The following ACLY variants were observed in gnomAD, a reference collection of about 807,000 sequenced individuals.
ACLY encodes the protein ATP-citrate synthase.
ACLY carries 41 observed loss-of-function variants against 133.0 expected under a neutral mutation model. The ratio of observed to expected loss-of-function variants is 0.31; its 90% CI spans 0.24 to 0.40. The LOEUF is 0.40. ACLY is among the 10% of genes least tolerant of loss of function. The probability of loss-of-function intolerance (pLI) is 1.00; values close to 1 mark genes in which losing one functional copy is unlikely to be tolerated. For synonymous variants in ACLY, 495 were observed against 549.3 expected, an observed-to-expected ratio of 0.90 and a Z score of 1.38; for missense variants, 1,046 against 1,453.8, an observed-to-expected ratio of 0.72 and a Z score of 4.56.
At chr17:41,905,804 T>C in intron 8 of ACLY, 146 bp from the exon 9 acceptor site, 3 of 988,416 alleles carry the variant, frequency 3.0e-6, no homozygotes, top group Non-Finnish European at 1.5e-6. Flanking sequence ...CCAATTCCCA[T>C]GCAAGTCTGG....
chr17:41,887,853 C>T (rs1300652357), intron 16 of ACLY, 150 bp from the exon 17 acceptor site: 17 of 635,168 alleles, frequency 2.7e-5, no homozygotes, highest in East Asian at 1.2e-4. Flanking sequence ...ATCAGCCGGG[C>T]GCGGTGGCTC....
intron 4 of ACLY, 60 bp downstream of exon 4, chr17:41,910,162 G>A: frequency 1.3e-6 from 2 of 1,535,950 alleles, no homozygotes; most frequent in Admixed American, 1.8e-5. Context: ...TCAGGTTACG[G>A]TGGACAAACC....
At chr17:41,920,856 G>A (rs1040258456), upstream of ACLY, among the ~76,000 whole-genome samples, 14 of 152,130 alleles carry the variant, frequency 9.2e-5, no homozygotes, top group East Asian at 1.5e-3. Context: ...GAGGTCAAGC[G>A]TTCCAGACCA....
chr17:41,879,358 G>C (rs550367415), intron 20 of ACLY, among the ~76,000 whole-genome samples: 1 of 150,650 alleles, frequency 6.6e-6, no homozygotes, highest in African/African-American at 2.4e-5. Context: ...CACCAGCCTC[G>C]GCCTTGCAAA....
At chr17:41,910,527 G>A (rs1165648574) in intron 3 of ACLY, among the ~76,000 whole-genome samples, 1 of 152,234 alleles carries the variant, frequency 6.6e-6, no homozygotes, top group Non-Finnish European at 1.5e-5. Flanking sequence ...CCCACTCTTG[G>A]CCTCCTCTGG....
intron 26 of ACLY, 98 bp from the exon 27 acceptor site, chr17:41,869,223 A>G (rs1458925490): frequency 2.6e-6 from 3 of 1,166,122 alleles, no homozygotes; most frequent in Non-Finnish European, 3.8e-6. Context: ...TGTGACCATC[A>G]TTTAAAAACC....
Position 41,913,750 on chromosome 17 carries a change from G to A in ACLY, c.124C>T (p.Arg42Cys), listed in dbSNP as rs371035935. ...AGCCAGGGGTGGTCCTGCAGCAAGC[G>A]GGCCCAGTCTGTGTCAGGAGTGACC... ...ARVTPDTDWA[R>C]LLQDHPWLLS... is the part of the protein sequence containing the mutation. Residue 42 changes from arginine (R) to cysteine (C), a missense_variant, in exon 2 of 29, where the codon CGC becomes TGC. Around this residue, in one of 4 missense-constraint regions of ACLY, gnomAD observed 227 missense variants for 245.6 expected, o/e 0.92. Transcript: ENST00000352035. 18 of 1,614,064 alleles carry A rather than the reference G, an allele frequency of 1.1e-5. No individual in the cohort carries two copies. The highest frequency in any genetic ancestry group is 8.9e-5 in the East Asian group (4 of 44,892).
At chr17:41,909,417 A>C in intron 5 of ACLY, 93 bp downstream of exon 5, 1 of 1,401,952 alleles carries the variant, frequency 7.1e-7, no homozygotes, top group South Asian at 1.3e-5. Flanking sequence ...TGGCTCCCAG[A>C]GAGGAGACCG....
At chr17:41,895,105 G>GA (rs1555630102) in intron 14 of ACLY, among the ~76,000 whole-genome samples, 1 of 152,150 alleles carries the variant, frequency 6.6e-6, no homozygotes, top group African/African-American at 2.4e-5. Context: ...CCAGTCCTAG[G>GA]AAACTGAAGC....
chr17:41,869,599 C>G lies in ACLY; in HGVS notation c.2938-12G>C. 1 of 1,602,914 alleles carries G rather than the reference C, an allele frequency of 6.2e-7. No individual in the cohort carries two copies. Among genetic ancestry groups the G allele is most frequent in the African/African-American group, 1.3e-5 (1 of 74,766 alleles). On this transcript the variant is annotated splice_polypyrimidine_tract_variant and intron_variant, in intron 25 of 28. Transcript: ENST00000352035. ...TCTGGGTTGTTTATCTAGAAATGAA[C>G]CCAACGGTACAGAGGAACACTCACA...
intron 24 of ACLY, 52 bp from the exon 25 acceptor site, chr17:41,871,884 C>T (rs1555625135): frequency 6.2e-7 from 1 of 1,607,710 alleles, no homozygotes; most frequent in African/African-American, 1.3e-5. Flanking sequence ...TTTCCTTCAG[C>T]TGGGCAAACC....
chr17:41,873,785 TG>T, intron 23 of ACLY, 25 bp downstream of exon 23: 2 of 1,531,290 alleles, frequency 1.3e-6, no homozygotes. Flanking sequence ...TGCAGGGCCC[TG>T]TAATCTTCTG....
At chr17:41,882,337 A>G (rs942255843) in intron 20 of ACLY, among the ~76,000 whole-genome samples, 8 of 125,986 alleles carry the variant, frequency 6.3e-5, no homozygotes, top group African/African-American at 2.4e-4. Flanking sequence ...ATTGCACTCC[A>G]GCCTGGGCGA....
chr17:41,909,143 A>T, intron 5 of ACLY, 75 bp from the exon 6 acceptor site: 1 of 1,128,608 alleles, frequency 8.9e-7, no homozygotes, highest in Non-Finnish European at 1.3e-6. Flanking sequence ...GCCCCGCAGC[A>T]ATCTCTCACT....
intron 6 of ACLY, among the ~76,000 whole-genome samples, chr17:41,908,561 C>T (rs1471484682): frequency 6.6e-6 from 1 of 152,080 alleles, no homozygotes; most frequent in Non-Finnish European, 1.5e-5. Context: ...GTCAGGAGTT[C>T]GAGACCAGCC....
intron 20 of ACLY, among the ~76,000 whole-genome samples, chr17:41,882,659 C>T (rs782615008): frequency 6.6e-6 from 1 of 152,178 alleles, no homozygotes; most frequent in Admixed American, 6.6e-5. Context: ...CTTTCAAGTA[C>T]ATTTTATCAT....
intron 4 of ACLY, 115 bp downstream of exon 4, chr17:41,910,107 G>A: frequency 9.3e-7 from 1 of 1,070,664 alleles, no homozygotes; most frequent in Non-Finnish European, 1.4e-6. Flanking sequence ...GCAGCTTCAG[G>A]GACCCTGGTC....
At position 41,909,032 on chromosome 17, in the gene ACLY, G is replaced by C; in HGVS notation, c.573C>G (p.Phe191Leu). 6.2e-7 allele frequency: 1 copy of C among 1,613,318 alleles called. No individual in the cohort carries two copies. Residue 191 changes from phenylalanine to leucine, a missense_variant, in exon 6 of 29, where the codon TTC becomes TTG. Physicochemically the swap from Phe to Leu is conservative, Grantham distance 22. Transcript: ENST00000352035. ...LASFISGLFN[F>L]YEDLYFTYLE... is the part of the protein sequence containing the mutation. ...GGTAGGTGAAGTACAAGTCCTCGTA[G>C]AAATTGAAGAGGCCGGAGATAAAAC...
At chr17:41,873,735 C>T in intron 23 of ACLY, 76 bp downstream of exon 23, 1 of 1,463,646 alleles carries the variant, frequency 6.8e-7, no homozygotes, top group Non-Finnish European at 9.1e-7. Flanking sequence ...GGCCTGTCCA[C>T]TCCCACCCCT....
Sources: gnomAD v4.1 joint callset for allele counts (sites outside exome capture counted in the v4.1 genomes callset) on GRCh38, gnomAD v4.1.1 for gene constraint, gnomAD v4.1.1 regional missense constraint, MANE v1.5 for transcripts, NCBI Gene and HGNC (gene_info 2026-07-23, HGNC 2026-07-21) for gene names.